EFL1: variants seen among roughly 807,000 people sequenced by gnomAD.
EFL1 encodes elongation factor like GTPase 1.
In EFL1, 76 loss-of-function variants were observed where a neutral mutation model predicts 126.7. The ratio of observed to expected loss-of-function variants is 0.60; its 90% CI spans 0.50 to 0.73. The LOEUF (loss-of-function observed/expected upper bound fraction) is 0.73. Among genes scored for constraint, EFL1 ranks in the 30% least tolerant of loss-of-function variants. The pLI is 0.00. For missense variants in EFL1, 1,128 were observed against 1,343.2 expected, an observed-to-expected ratio of 0.84 and a Z score of 2.50; for synonymous variants, 410 against 448.4, an observed-to-expected ratio of 0.91 and a Z score of 1.08.
intron 12 of EFL1, among the ~76,000 whole-genome samples, chr15:82,223,525 C>T (rs1345972600): frequency 6.6e-6 from 1 of 152,084 alleles, no homozygotes; most frequent in African/African-American, 2.4e-5. Context: ...ACAGTAGAGG[C>T]ATAATAATAC....
chr15:82,233,226 C>A (rs151050601), intron 7 of EFL1, among the ~76,000 whole-genome samples: 3 of 152,148 alleles, frequency 2.0e-5, no homozygotes, highest in Non-Finnish European at 4.4e-5. Flanking sequence ...ATTTGCTTAA[C>A]ATCAACCCAT....
chr15:82,146,942 TG>T (rs556947992), intron 18 of EFL1, among the ~76,000 whole-genome samples: 24 of 152,154 alleles, frequency 1.6e-4, no homozygotes, highest in Admixed American at 1.0e-3. Context: ...GATGGCCAAG[TG>T]GGGAGTGCCA....
At chr15:82,181,531 T>C (rs2074250823) in intron 15 of EFL1, among the ~76,000 whole-genome samples, 1 of 152,144 alleles carries the variant, frequency 6.6e-6, no homozygotes, top group Non-Finnish European at 1.5e-5. Flanking sequence ...TCTTTCATAA[T>C]ATCCCCAAGA....
In EFL1 at chr15:82,229,116, C is replaced by A; in HGVS notation, c.856-6G>T. The A allele has an allele frequency of 6.2e-7, 1 of 1,605,074 alleles. No homozygotes were observed. Among genetic ancestry groups the A allele is most frequent in the Non-Finnish European group, 8.5e-7 (1 of 1,177,412 alleles). ...AAAGGTTTCTTTCCTTTGGCCTGTA[C>A]AAAAGAACATACGGGCTTAAGTTCC... On this transcript the variant is annotated splice_polypyrimidine_tract_variant and splice_region_variant and intron_variant, in intron 8 of 19. Transcript: ENST00000268206.
At chr15:82,186,215 A>G (rs1327256584) in intron 15 of EFL1, among the ~76,000 whole-genome samples, 1 of 152,100 alleles carries the variant, frequency 6.6e-6, no homozygotes, top group Non-Finnish European at 1.5e-5. Flanking sequence ...AAAGGCTTTG[A>G]TATGTTGAAT....
At chr15:82,180,836 C>T (rs573891648) in intron 15 of EFL1, among the ~76,000 whole-genome samples, 1 of 151,986 alleles carries the variant, frequency 6.6e-6, no homozygotes, top group South Asian at 2.1e-4. Flanking sequence ...CAGGGGGGCC[C>T]TCTCACCTCA....
At chr15:82,214,935 C>A (rs2074630102) in intron 14 of EFL1, 80 bp from the exon 15 acceptor site, 5 of 1,461,270 alleles carry the variant, frequency 3.4e-6, no homozygotes, top group Admixed American at 2.3e-5. Context: ...TACTTCTATT[C>A]ATCAGTAAGA....
chr15:82,229,380 A>G (rs965954991), intron 8 of EFL1, among the ~76,000 whole-genome samples: 1 of 152,156 alleles, frequency 6.6e-6, no homozygotes, highest in African/African-American at 2.4e-5. Flanking sequence ...CCATCAAACA[A>G]ATACACACAG....
chr15:82,214,988 T>G (rs1450605788), intron 14 of EFL1, 133 bp from the exon 15 acceptor site: 2 of 747,556 alleles, frequency 2.7e-6, no homozygotes, highest in African/African-American at 3.6e-5. Context: ...ATATGAACAT[T>G]TGAAATGGTG....
chr15:82,227,079 G>A (rs2074771454), intron 11 of EFL1, among the ~76,000 whole-genome samples: 1 of 152,198 alleles, frequency 6.6e-6, no homozygotes, highest in Admixed American at 6.5e-5. Flanking sequence ...ACAGTGTAGT[G>A]GTTTGGGGGC....
At chr15:82,168,404 A>G (rs2074100306) in intron 15 of EFL1, among the ~76,000 whole-genome samples, 1 of 152,140 alleles carries the variant, frequency 6.6e-6, no homozygotes, top group South Asian at 2.1e-4. Context: ...ACTGCCCTTT[A>G]ACTTCTTGGT....
chr15:82,152,298 T>C lies in EFL1; in HGVS notation c.2156A>G (p.His719Arg), dbSNP rs2141229178. 2 of 1,614,194 alleles carry C rather than the reference T, an allele frequency of 1.2e-6. No homozygotes were observed. Among genetic ancestry groups the C allele is most frequent in the East Asian group, 2.2e-5 (1 of 44,888 alleles). The part of the protein sequence containing the change: ...IGKQQKVAVI[H>R]QMKEDQSKIP... The stretch of plus-strand genomic sequence containing the variant: ...TTTGCTTTGATCTTCTTTCATTTGG[T>C]GTATGACTGCAACTTTTTGCTGTTT... Residue 719 changes from histidine (H) to arginine (R), a missense_variant, in exon 18 of 20, where the codon CAC becomes CGC. By Grantham distance (29) the His-to-Arg change is conservative. This residue lies in a region of EFL1 where 561 missense variants were observed against 641.7 expected (regional missense o/e 0.87). Coordinates refer to ENST00000268206, the MANE Select transcript of EFL1 (RefSeq NM_024580.6).
chr15:82,177,019 C>G (rs945774070), intron 15 of EFL1, among the ~76,000 whole-genome samples: 1 of 152,140 alleles, frequency 6.6e-6, no homozygotes. Flanking sequence ...AGAGCACATT[C>G]TATATATAAA....
chr15:82,180,417 T>G (rs1331703372), intron 15 of EFL1, among the ~76,000 whole-genome samples: 1 of 122,608 alleles, frequency 8.2e-6, no homozygotes. Flanking sequence ...ACCACCACAA[T>G]AAAATATAGT....
At chr15:82,138,420 G>C (rs2073745354) in intron 19 of EFL1, among the ~76,000 whole-genome samples, 1 of 120,498 alleles carries the variant, frequency 8.3e-6, no homozygotes. Flanking sequence ...GAGAGAGAGA[G>C]AGAGAGTGTA....
At chr15:82,157,580 C>G in intron 17 of EFL1, 133 bp downstream of exon 17, 3 of 1,047,798 alleles carry the variant, frequency 2.9e-6, no homozygotes, top group South Asian at 4.0e-5. Flanking sequence ...AATAACTGTT[C>G]ATGTCTGAAT....
chr15:82,223,912 T>A (rs960125587), intron 12 of EFL1, among the ~76,000 whole-genome samples: 3 of 152,234 alleles, frequency 2.0e-5, no homozygotes, highest in Admixed American at 2.0e-4. Flanking sequence ...TCTATTCCTT[T>A]ACTTATCCCC....
Position 82,214,945 on chromosome 15 carries a change from A to C in EFL1, c.1612-90T>G, listed in dbSNP as rs1279210347. On this transcript the variant is annotated intron_variant, in intron 14 of 19. Transcript: ENST00000268206. ...AAAGTTACTTCTATTCATCAGTAAG[A>C]TATGGTATAGCAACATTTCATGTAA... is the stretch of plus-strand genomic sequence containing the variant. 8 of 1,357,730 alleles carry C rather than the reference A, an allele frequency of 5.9e-6. No homozygotes were observed. The Admixed American group carries it at 1.7e-4, about 29-fold the overall frequency. 84.1% of individuals were successfully genotyped at this position (1,357,730 alleles called of 1,614,324 possible).
At chr15:82,178,244 G>A (rs902795269) in intron 15 of EFL1, among the ~76,000 whole-genome samples, 1 of 152,192 alleles carries the variant, frequency 6.6e-6, no homozygotes, top group African/African-American at 2.4e-5. Flanking sequence ...CCCAGCCTAT[G>A]ACTACCAGTG....
Sources: allele counts gnomAD v4.1 joint callset (sites outside exome capture counted in the v4.1 genomes callset), GRCh38; gene constraint gnomAD v4.1.1; regional missense constraint gnomAD v4.1.1; transcripts MANE v1.5; gene names NCBI Gene and HGNC (gene_info 2026-07-23, HGNC 2026-07-21).